TMEM237: variants seen among roughly 807,000 people sequenced by gnomAD.
TMEM237 encodes amyotrophic lateral sclerosis 2 (juvenile) chromosome region, candidate 4.
A neutral mutation model predicts 59.1 loss-of-function variants in TMEM237; 51 were observed. The observed-to-expected ratio is 0.86, with a 90% CI of 0.69 to 1.09. The LOEUF (loss-of-function observed/expected upper bound fraction) is 1.09. TMEM237 is among the 50% of genes least tolerant of loss of function. The pLI is 0.00. For missense variants in TMEM237, 475 were observed against 478.3 expected (o/e 0.99, Z 0.06); for synonymous variants, 140 against 166.1 (o/e 0.84, Z 1.21).
chr2:201,629,624 T>C, intron 8 of TMEM237, 105 bp downstream of exon 8: 1 of 1,464,126 alleles, frequency 6.8e-7, no homozygotes, highest in Admixed American at 2.5e-5. Context: ...CCATTTTAAG[T>C]TGTGATTTCA....
At position 201,643,074 on chromosome 2, in the gene TMEM237, C is replaced by T. The variant is rs1213027672; in HGVS notation, c.42+285G>A. 3.6e-6 allele frequency: 4 copies of T among 1,122,396 alleles called. No individual in the cohort carries two copies. The highest frequency in any genetic ancestry group is 3.8e-5 in the Admixed American group (1 of 26,552). The allele number at this position is 1,122,396 out of a possible 1,614,324, so 69.5% of individuals were successfully genotyped here. A position where few individuals can be genotyped will look rare whatever the true frequency, so the allele number is the denominator to read the frequency against. On this transcript the variant is annotated intron_variant, in intron 1 of 12. Transcript: ENST00000409883. This position sits in a 1 kb window ranked among gnomAD's most constrained non-coding sequence, Gnocchi z 4.3. Reference sequence around the variant, plus strand: ...GGAAGCCCCGGCACCCGCCGGGCCCCGGGCCTCAGATGAGTGAGGCGTCGT... The same window carrying T: ...GGAAGCCCCGGCACCCGCCGGGCCCTGGGCCTCAGATGAGTGAGGCGTCGT...
rs573003405 is a variant in TMEM237, at chr2:201,629,120, T to C, written c.869+110A>G. On this transcript the variant is annotated intron_variant, in intron 9 of 12. Coordinates refer to ENST00000409883, the MANE Select transcript of TMEM237 (RefSeq NM_001044385.3). ...AGACTGGCCTTAAAACTTTTTGAAGTAACATTGATACTCTATAATTCTATT... is the reference window on the plus strand; with the variant it reads ...AGACTGGCCTTAAAACTTTTTGAAGCAACATTGATACTCTATAATTCTATT... 113 of 836,216 alleles carry C rather than the reference T, an allele frequency of 1.4e-4. No individual in the cohort carries two copies. In the African/African-American group the frequency reaches 1.9e-3, roughly 14 times the overall value. The allele number at this position is 836,216 out of a possible 1,614,324, so 51.8% of individuals were successfully genotyped here.
Position 201,642,757 on chromosome 2 carries a change from G to C in TMEM237, c.42+602C>G, listed in dbSNP as rs1009944574. Reference sequence around the variant, plus strand: ...GCCTGGCTAGTACCCCGCGCGCAGCGCCCTGCGGGGATGTTGCGGTGAGAG... The same window carrying C: ...GCCTGGCTAGTACCCCGCGCGCAGCCCCCTGCGGGGATGTTGCGGTGAGAG... On this transcript the variant is annotated intron_variant, in intron 1 of 12. Coordinates refer to ENST00000409883, the MANE Select transcript of TMEM237 (RefSeq NM_001044385.3). 8 of 1,450,846 alleles carry C rather than the reference G, an allele frequency of 5.5e-6. No homozygotes were observed. In the African/African-American group the frequency reaches 1.0e-4, roughly 19 times the overall value. The allele number at this position is 1,450,846 out of a possible 1,614,324, so 89.9% of individuals were successfully genotyped here.
chr2:201,643,284 A>G lies in TMEM237; in HGVS notation c.42+75T>C. On this transcript the variant is annotated intron_variant, in intron 1 of 12. Coordinates refer to ENST00000409883, the MANE Select transcript of TMEM237 (RefSeq NM_001044385.3). This position sits in a 1 kb window ranked among gnomAD's most constrained non-coding sequence, Gnocchi z 4.3. ...TCCCAGCTCGTTGGCGCCCCCCCACACACACCCACCCCCACTGCCAAGTGT... is the reference window on the plus strand; with the variant it reads ...TCCCAGCTCGTTGGCGCCCCCCCACGCACACCCACCCCCACTGCCAAGTGT... 1 of 1,001,222 alleles carries G rather than the reference A, an allele frequency of 1.0e-6. No individual in the cohort carries two copies. Among genetic ancestry groups the G allele is most frequent in the South Asian group, 1.5e-5 (1 of 67,822 alleles). The allele number at this position is 1,001,222 out of a possible 1,614,324, so 62.0% of individuals were successfully genotyped here. A position where few individuals can be genotyped will look rare whatever the true frequency, so the allele number is the denominator to read the frequency against.
chr2:201,636,102 T>C (rs1687292846), intron 5 of TMEM237: 1 of 152,260 alleles, frequency 6.6e-6, no homozygotes, highest in Admixed American at 6.5e-5. Flanking sequence ...ATGATTTATT[T>C]AGCCAGTATC....
Position 201,624,306 on chromosome 2 carries a change from TGAG to T in TMEM237, c.1173_1175del (p.Ser392del). 4.3e-6 allele frequency: 7 copies of T among 1,612,186 alleles called. No homozygotes were observed. The highest frequency in any genetic ancestry group is 5.9e-6 in the Non-Finnish European group (7 of 1,178,900). ...CTTTATCAGGATATTCTTCCACCTCTGAGGAGAACATTAACTCTGGAGAAGAAA... is the reference window on the plus strand; with the variant it reads ...CTTTATCAGGATATTCTTCCACCTCTGAGAACATTAACTCTGGAGAAGAAA... On this transcript the variant is annotated inframe_deletion, in exon 13 of 13. Transcript: ENST00000409883.
chr2:201,636,916 A>T (rs555491462), intron 4 of TMEM237, 31 bp from the exon 5 acceptor site: 1 of 1,575,696 alleles, frequency 6.3e-7, no homozygotes, highest in Admixed American at 1.9e-5. Context: ...AAAAAATGAG[A>T]TTACTTGAGC....
intron 8 of TMEM237, 38 bp downstream of exon 8, chr2:201,629,691 A>G: frequency 6.3e-7 from 1 of 1,580,652 alleles, no homozygotes; most frequent in East Asian, 2.2e-5. Context: ...GAACTCAGTT[A>G]ACATTTATTT....
chr2:201,640,264 G>A lies in TMEM237; in HGVS notation c.76C>T (p.Gln26Ter), dbSNP rs387907131. 1 of 1,553,390 alleles carries A rather than the reference G, an allele frequency of 6.4e-7. No individual in the cohort carries two copies. The highest frequency in any genetic ancestry group is 8.6e-7 in the Non-Finnish European group (1 of 1,160,688). Residue 26 changes from glutamine (Q) to a stop codon, truncating the protein, a stop_gained and splice_region_variant, in exon 3 of 13, where the codon CAA (glutamine) becomes TAA (stop). Coordinates refer to ENST00000409883, the MANE Select transcript of TMEM237 (RefSeq NM_001044385.3). LOFTEE classifies it high-confidence loss of function. ...PPRALPPVPS[Q>*]DDIPLSRPKK... ...TATTTACATTAAACTAACTCACCTT[G>A]ACTAACACGTCATATAACACCAAAC...
At chr2:201,641,930 G>A (rs1033859101) in intron 1 of TMEM237, among the ~76,000 whole-genome samples, 1 of 152,152 alleles carries the variant, frequency 6.6e-6, no homozygotes, top group Non-Finnish European at 1.5e-5. Flanking sequence ...GAGGTAGGCA[G>A]GAGCCAGATT....
At position 201,632,194 on chromosome 2, in the gene TMEM237, G is replaced by C. The variant is rs760672264; in HGVS notation, c.410C>G (p.Ala137Gly). The change falls in exon 7 of 13, where the codon GCA becomes GGA. Residue 137 changes from alanine (A) to glycine (G), a missense_variant. Physicochemically the swap from Ala to Gly is moderately conservative, Grantham distance 60 (BLOSUM62 0). Coordinates refer to ENST00000409883, the MANE Select transcript of TMEM237 (RefSeq NM_001044385.3). ...PRRKTKKTQP[A>G]ELQYANELGV... ...TAGCTCATTGGCATACTGTAATTCT[G>C]CTGGCTGGGTTTTCCTGTAATAAGG... is the stretch of plus-strand genomic sequence containing the variant. 1.1e-5 allele frequency: 18 copies of C among 1,613,490 alleles called. No individual in the cohort carries two copies. The highest frequency in any genetic ancestry group is 1.5e-5 in the Non-Finnish European group (18 of 1,179,682).
chr2:201,636,731 T>G lies in TMEM237; in HGVS notation c.274+17A>C. The G allele has an allele frequency of 6.4e-7, 1 of 1,560,558 alleles. No homozygotes were observed. Among genetic ancestry groups the G allele is most frequent in the Non-Finnish European group, 8.7e-7 (1 of 1,152,362 alleles). ...TCACAAGTGCTATCACAACTTAACC[T>G]TGGTTTCTTCACATACCAAGAGGTA... is the stretch of plus-strand genomic sequence containing the variant. On this transcript the variant is annotated intron_variant, in intron 5 of 12. Transcript: ENST00000409883.
intron 4 of TMEM237, 198 bp downstream of exon 4, chr2:201,638,791 A>ATAC (rs1322046965): frequency 1.7e-6 from 1 of 604,988 alleles, no homozygotes; most frequent in East Asian, 2.8e-5. Context: ...ATGCGTCCAG[A>ATAC]TACTCCTCAG....
In TMEM237 at chr2:201,620,871, T is replaced by C. The variant is rs1226550905; in HGVS notation, c.*3384A>G. The C allele has an allele frequency of 1.3e-5, 2 of 152,232 alleles. No homozygotes were observed. Among genetic ancestry groups the C allele is most frequent in the Non-Finnish European group, 2.9e-5 (2 of 68,034 alleles). 9.4% of individuals were successfully genotyped at this position (152,232 alleles called of 1,614,324 possible). On this transcript the variant is annotated 3_prime_UTR_variant, in exon 13 of 13. Coordinates refer to ENST00000409883, the MANE Select transcript of TMEM237 (RefSeq NM_001044385.3). ...TTTGACAACTTTCACATCCTATTAG[T>C]GGGCTCACACTGTTAGTTGCTAATC...
Position 201,624,375 on chromosome 2 carries a change from A to G in TMEM237, c.1160-53T>C, listed in dbSNP as rs114797383. 5.6e-4 allele frequency: 773 copies of G among 1,383,558 alleles called. 3 individuals carry two copies. The African/African-American group carries it at 9.0e-3, about 16-fold the overall frequency. The allele number at this position is 1,383,558 out of a possible 1,614,324, so 85.7% of individuals were successfully genotyped here. On this transcript the variant is annotated intron_variant, in intron 12 of 12. Transcript: ENST00000409883. ...TTAAAATTGTTTCCCAGTACCTCCAACAGAGTTGTATAGCTTATTTATAAA... is the reference window on the plus strand; with the variant it reads ...TTAAAATTGTTTCCCAGTACCTCCAGCAGAGTTGTATAGCTTATTTATAAA...
rs1476279427 is a variant in TMEM237 at position 201,642,598 on chromosome 2, G to A, written c.42+761C>T. ...AATCCTAACAATTAAAAGTAGCTAA[G>A]GCTCGCTTACCACAGGATTCTTCCC... is the stretch of plus-strand genomic sequence containing the variant. On this transcript the variant is annotated intron_variant, in intron 1 of 12. Transcript: ENST00000409883. The A allele has an allele frequency of 2.5e-6, 4 of 1,608,600 alleles. No individual in the cohort carries two copies. The Admixed American group carries it at 6.8e-5, about 27-fold the overall frequency.
chr2:201,633,161 G>C, intron 6 of TMEM237, 150 bp downstream of exon 6: 2 of 672,042 alleles, frequency 3.0e-6, no homozygotes, highest in Non-Finnish European at 4.3e-6. Context: ...CATTCGATTG[G>C]TTTAACTGAT....
At chr2:201,642,690 C>A (rs755216189) in intron 1 of TMEM237, 23 of 1,594,608 alleles carry the variant, frequency 1.4e-5, no homozygotes, top group Admixed American at 5.3e-5. Context: ...CCCCTCCCGG[C>A]TCGGTCGCGC....
chr2:201,642,823 C>A, intron 1 of TMEM237: 2 of 1,349,190 alleles, frequency 1.5e-6, no homozygotes, highest in South Asian at 3.8e-5. Context: ...ACTAGCCCTG[C>A]CAAAAAGGGG....
Sources: allele counts gnomAD v4.1 joint callset (sites outside exome capture counted in the v4.1 genomes callset), GRCh38; gene constraint gnomAD v4.1.1; non-coding constraint Gnocchi (gnomAD v3.1); transcripts MANE v1.5; gene names NCBI Gene and HGNC (gene_info 2026-07-23, HGNC 2026-07-21).